ANO3: variants seen among roughly 807,000 people sequenced by gnomAD.
ANO3 encodes the protein anoctamin-3.
ANO3 carries 99 observed loss-of-function variants against 144.8 expected under a neutral mutation model. The observed-to-expected ratio is 0.68, with a 90% CI of 0.58 to 0.81. The LOEUF is 0.81. ANO3 is among the 30% of genes least tolerant of loss of function. The pLI, the probability that ANO3 is intolerant of heterozygous loss-of-function variation, is 0.00. For synonymous variants in ANO3, 414 were observed against 392.6 expected (o/e 1.05, Z -0.64); for missense variants, 905 against 1,202.2 (o/e 0.75, Z 3.66).
At position 26,502,441 on chromosome 11, in the gene ANO3, A is replaced by T. The variant is rs1256689824; in HGVS notation, c.433-5663A>T. ...GTAAATTAGATTCCAAGTATGTCTGAATACAGTTCTCAACACCTTAACCAG... is the reference window on the plus strand; with the variant it reads ...GTAAATTAGATTCCAAGTATGTCTGTATACAGTTCTCAACACCTTAACCAG... On this transcript the variant is annotated intron_variant, in intron 4 of 26. Coordinates refer to ENST00000256737, the MANE Select transcript of ANO3 (RefSeq NM_031418.4). Among the ~76,000 whole-genome samples the T allele has an allele frequency of 2.0e-5, 3 of 152,164 alleles. No individual in the cohort carries two copies. The East Asian group carries it at 5.8e-4, about 29-fold the overall frequency.
chr11:26,436,015 G>A (rs1369152105), intron 1 of ANO3, among the ~76,000 whole-genome samples: 1 of 152,188 alleles, frequency 6.6e-6, no homozygotes, highest in Admixed American at 6.6e-5. Flanking sequence ...ATGTGTGTGT[G>A]TGATTTTTCC....
intron 4 of ANO3, among the ~76,000 whole-genome samples, chr11:26,477,864 TTG>T (rs924179441): frequency 1.3e-5 from 2 of 152,168 alleles, no homozygotes; most frequent in Non-Finnish European, 2.9e-5. Flanking sequence ...TTATAAGGAT[TTG>T]TGTTAATAAA....
At chr11:26,650,058 G>A (rs914991826) in intron 24 of ANO3, among the ~76,000 whole-genome samples, 1 of 152,052 alleles carries the variant, frequency 6.6e-6, no homozygotes, top group African/African-American at 2.4e-5. Flanking sequence ...GATAGCGCCC[G>A]ACATCTCCAT....
chr11:26,516,463 G>A (rs866251679), intron 5 of ANO3, among the ~76,000 whole-genome samples: 9 of 151,786 alleles, frequency 5.9e-5, no homozygotes, highest in Admixed American at 1.3e-4. Flanking sequence ...AACTGGCAGT[G>A]TTTTCTTCCC....
At chr11:26,649,467 G>A (rs61877276) in intron 24 of ANO3, among the ~76,000 whole-genome samples, 8,331 of 152,250 alleles carry the variant, frequency 0.055, 258 homozygotes, top group Non-Finnish European at 0.076. Flanking sequence ...GGCCGGGCGC[G>A]GTGGCTCACG....
chr11:26,623,948 G>A (rs551146445), intron 17 of ANO3, among the ~76,000 whole-genome samples: 2 of 152,040 alleles, frequency 1.3e-5, no homozygotes, highest in East Asian at 1.9e-4. Flanking sequence ...CAACGTGCCC[G>A]GCTAATTTTT....
intron 4 of ANO3, among the ~76,000 whole-genome samples, chr11:26,463,577 C>A (rs1340506467): frequency 6.6e-6 from 1 of 151,842 alleles, no homozygotes; most frequent in East Asian, 1.9e-4. Flanking sequence ...TTCTGGTTGT[C>A]TGCTTGACAA....
chr11:26,201,158 C>G (rs923184007), intron 1 of ANO3, among the ~76,000 whole-genome samples: 2 of 152,118 alleles, frequency 1.3e-5, no homozygotes, highest in African/African-American at 4.8e-5. Flanking sequence ...ACAGCACAAG[C>G]TTAACATCTT....
At chr11:26,203,708 C>A (rs952788939) in intron 1 of ANO3, among the ~76,000 whole-genome samples, 1 of 152,074 alleles carries the variant, frequency 6.6e-6, no homozygotes, top group African/African-American at 2.4e-5. Context: ...TTATCTCCCG[C>A]TTTTAGGAAA....
intron 1 of ANO3, among the ~76,000 whole-genome samples, chr11:26,282,672 T>C (rs2133845712): frequency 6.6e-6 from 1 of 152,276 alleles, no homozygotes. Context: ...AACAAGACTA[T>C]ATCTCCAGTG....
intron 4 of ANO3, among the ~76,000 whole-genome samples, chr11:26,507,713 T>C (rs294026): frequency 0.016 from 2,470 of 152,296 alleles, 58 homozygotes; most frequent in African/African-American, 0.056. Context: ...CACTTATGTC[T>C]GGTCATGATA....
intron 1 of ANO3, among the ~76,000 whole-genome samples, chr11:26,347,133 A>G (rs1855516661): frequency 6.6e-6 from 1 of 152,230 alleles, no homozygotes; most frequent in Non-Finnish European, 1.5e-5. Flanking sequence ...ATCACTTAAT[A>G]GCTGTGTCAT....
intron 5 of ANO3, among the ~76,000 whole-genome samples, chr11:26,509,456 G>T (rs775729986): frequency 3.9e-5 from 6 of 151,922 alleles, no homozygotes; most frequent in Non-Finnish European, 8.8e-5. Flanking sequence ...GGAATTACAG[G>T]AACCGATCAC....
At chr11:26,657,396 A>G (rs1343067129) in intron 26 of ANO3, among the ~76,000 whole-genome samples, 2 of 152,124 alleles carry the variant, frequency 1.3e-5, no homozygotes, top group Admixed American at 6.6e-5. Flanking sequence ...AGTGTCTAAT[A>G]TAAGAGTTAA....
rs548056977 is a variant in ANO3 at position 26,562,908 on chromosome 11, G to A, written c.1447+3129G>A. 5 of 594,232 alleles carry A rather than the reference G, an allele frequency of 8.4e-6. No homozygotes were observed. The South Asian group carries it at 2.3e-4, about 28-fold the overall frequency. 36.8% of individuals were successfully genotyped at this position (594,232 alleles called of 1,614,324 possible). A position where few individuals can be genotyped will look rare whatever the true frequency, so the allele number is the denominator to read the frequency against. On this transcript the variant is annotated intron_variant, in intron 14 of 26. Coordinates refer to ENST00000256737, the MANE Select transcript of ANO3 (RefSeq NM_031418.4). Reference sequence around the variant, plus strand: ...ACCAATTTTGATGCAGTGAGCAACAGTTCAAATGTTTTTTAAATTTCAGTC... The same window carrying A: ...ACCAATTTTGATGCAGTGAGCAACAATTCAAATGTTTTTTAAATTTCAGTC...
At chr11:26,306,440 T>C (rs1037066062), upstream of ANO3, among the ~76,000 whole-genome samples, 25 of 152,106 alleles carry the variant, frequency 1.6e-4, no homozygotes, top group African/African-American at 6.0e-4. Context: ...GGTTCACACT[T>C]ATAATCTCAG....
Position 26,490,045 on chromosome 11 carries a change from G to C in ANO3, c.433-18059G>C, listed in dbSNP as rs555189137. Among the ~76,000 whole-genome samples, 4 of 152,268 alleles carry C rather than the reference G, an allele frequency of 2.6e-5. No homozygotes were observed. The South Asian group carries it at 6.2e-4, about 24-fold the overall frequency. On this transcript the variant is annotated intron_variant, in intron 4 of 26. Transcript: ENST00000256737. ...GAGGGTCCAGGGACAGAATGATATG[G>C]TTTGACTGTGTCCCAACCCAAATCT...
intron 4 of ANO3, among the ~76,000 whole-genome samples, chr11:26,469,931 G>A (rs993540812): frequency 2.0e-5 from 3 of 151,764 alleles, no homozygotes; most frequent in African/African-American, 4.8e-5. Flanking sequence ...GTTTATATCA[G>A]TATTAGGTTT....
chr11:26,461,538 T>A (rs1019342679), intron 3 of ANO3, among the ~76,000 whole-genome samples: 4 of 152,096 alleles, frequency 2.6e-5, no homozygotes, highest in African/African-American at 9.7e-5. Context: ...GCATTTCTTC[T>A]CTTACTTCAA....
Sources: allele counts gnomAD v4.1 joint callset (sites outside exome capture counted in the v4.1 genomes callset), GRCh38; gene constraint gnomAD v4.1.1; transcripts MANE v1.5; gene names NCBI Gene and HGNC (gene_info 2026-07-23, HGNC 2026-07-21).